The following SHANK2 variants were observed in gnomAD, a reference collection of about 807,000 sequenced individuals.
SHANK2 encodes the protein SH3 and multiple ankyrin repeat domains 2.
Under a neutral mutation model 133.7 loss-of-function variants are expected in SHANK2, and 43 were observed. That is an observed-to-expected ratio of 0.32 (90% CI 0.25 to 0.41). SHANK2 has a LOEUF of 0.41. SHANK2 is among the 10% of genes least tolerant of loss of function. The pLI, the probability that SHANK2 is intolerant of heterozygous loss-of-function variation, is 1.00. For missense variants in SHANK2, 1,994 were observed against 2,235.8 expected, an observed-to-expected ratio of 0.89 and a Z score of 2.18; for synonymous variants, 1,017 against 952.8, an observed-to-expected ratio of 1.07 and a Z score of -1.24.
intron 2 of SHANK2, among the ~76,000 whole-genome samples, chr11:71,210,454 T>A (rs1954250071): frequency 6.6e-6 from 1 of 151,416 alleles, no homozygotes; most frequent in Non-Finnish European, 1.5e-5. Context: ...TTTCACTGTG[T>A]TAGCCAGGAT....
intron 11 of SHANK2, among the ~76,000 whole-genome samples, chr11:70,834,791 G>A (rs947548184): frequency 6.6e-6 from 1 of 152,186 alleles, no homozygotes; most frequent in African/African-American, 2.4e-5. Context: ...AGTCATTGAG[G>A]GAAGCTTTGC....
chr11:71,143,107 C>T (rs145634419), intron 3 of SHANK2, among the ~76,000 whole-genome samples: 6,411 of 152,166 alleles, frequency 0.042, 240 homozygotes, highest in African/African-American at 0.1. Flanking sequence ...TGGCGGCAGG[C>T]GCCTGAAATC....
At chr11:71,066,034 G>A (rs1380166774) in intron 9 of SHANK2, among the ~76,000 whole-genome samples, 2 of 40,376 alleles carry the variant, frequency 5.0e-5, no homozygotes, top group Admixed American at 2.5e-4. Context: ...GAGTGGGGAA[G>A]TTGGGGGAGG....
At position 70,785,203 on chromosome 11, in the gene SHANK2, A is replaced by G. The variant is rs536849193; in HGVS notation, c.1777+13240T>C. ...CCAGGAGGGGACAGGAGACCTGCAC[A>G]CCACACAGGACAGACCCCTGGGGGC... On this transcript the variant is annotated intron_variant, in intron 14 of 25. Transcript: ENST00000601538. 5.3e-5 allele frequency among the ~76,000 whole-genome samples: 8 copies of G among 152,180 alleles called. No individual in the cohort carries two copies. In the East Asian group the frequency reaches 1.6e-3, roughly 30 times the overall value.
intron 10 of SHANK2, among the ~76,000 whole-genome samples, chr11:70,941,874 A>T (rs1950653068): frequency 1.3e-5 from 2 of 151,026 alleles, no homozygotes; most frequent in Non-Finnish European, 1.5e-5. Context: ...ATAATAATAT[A>T]ATAATACTGG....
intron 17 of SHANK2, among the ~76,000 whole-genome samples, chr11:70,527,656 G>A (rs1209414695): frequency 6.6e-6 from 1 of 152,230 alleles, no homozygotes; most frequent in Non-Finnish European, 1.5e-5. Context: ...GGGGCCCTGA[G>A]GCCGGGCCCC....
At chr11:71,128,282 C>T (rs1214838792) in intron 3 of SHANK2, among the ~76,000 whole-genome samples, 1 of 152,218 alleles carries the variant, frequency 6.6e-6, no homozygotes, top group African/African-American at 2.4e-5. Context: ...CCCTCTGTCA[C>T]TCAATCTCCT....
At position 70,569,825 on chromosome 11, in the gene SHANK2, G is replaced by A. The variant is rs116622077; in HGVS notation, c.2062-66894C>T. On this transcript the variant is annotated intron_variant, in intron 17 of 25. Coordinates refer to ENST00000601538, the MANE Select transcript of SHANK2 (RefSeq NM_012309.5). The surrounding 1 kb of genome is among the most constrained non-coding windows in gnomAD (Gnocchi z 5.1). ...GAGCACGGAGGGGGTTCCTCAGCCC[G>A]GGAAAAGGCTGAGGCCGGCACAAAG... Among the ~76,000 whole-genome samples the A allele has an allele frequency of 3.8e-3, 576 of 152,188 alleles. 6 individuals are homozygous for A. Among genetic ancestry groups the A allele is most frequent in the African/African-American group, 0.013 (559 of 41,524 alleles).
At chr11:70,864,433 T>C (rs1263253362) in intron 11 of SHANK2, 1 of 152,716 alleles carries the variant, frequency 6.5e-6, no homozygotes, top group Admixed American at 6.5e-5. Flanking sequence ...CATTAAGTCA[T>C]GGTGGCTCCA....
At chr11:70,891,736 T>C (rs1288346636) in intron 11 of SHANK2, among the ~76,000 whole-genome samples, 1 of 151,992 alleles carries the variant, frequency 6.6e-6, no homozygotes, top group Non-Finnish European at 1.5e-5. Flanking sequence ...TCCCCCAGGG[T>C]AGAGGGCCAG....
At chr11:70,640,850 G>C (rs1197714000) in intron 17 of SHANK2, among the ~76,000 whole-genome samples, 1 of 152,194 alleles carries the variant, frequency 6.6e-6, no homozygotes, top group African/African-American at 2.4e-5. Flanking sequence ...AGGAAGAATC[G>C]AGGCGACTGC....
chr11:70,761,810 T>C (rs1186318007), intron 14 of SHANK2, among the ~76,000 whole-genome samples: 7 of 152,258 alleles, frequency 4.6e-5, no homozygotes, highest in African/African-American at 1.7e-4. Flanking sequence ...ACCTCAGCCA[T>C]CCTTGTGCAG....
chr11:70,519,094 A>G (rs1354198894), intron 17 of SHANK2, among the ~76,000 whole-genome samples: 1 of 151,964 alleles, frequency 6.6e-6, no homozygotes, highest in Non-Finnish European at 1.5e-5. Context: ...ATTTTTTTGT[A>G]GAGATGGGGT....
intron 14 of SHANK2, among the ~76,000 whole-genome samples, chr11:70,764,311 T>C (rs1440184684): frequency 7.0e-6 from 1 of 142,964 alleles, no homozygotes; most frequent in Non-Finnish European, 1.5e-5. Flanking sequence ...CCATCCTTTA[T>C]CCCTCCCTCC....
At chr11:71,101,430 G>T (rs1951715023) in intron 6 of SHANK2, among the ~76,000 whole-genome samples, 1 of 152,162 alleles carries the variant, frequency 6.6e-6, no homozygotes, top group South Asian at 2.1e-4. Context: ...TTAAAAACAG[G>T]TCTCTTTTTA....
At chr11:70,646,398 C>T (rs1555008242) in intron 17 of SHANK2, 2 of 152,286 alleles carry the variant, frequency 1.3e-5, no homozygotes, top group Admixed American at 6.5e-5. Context: ...ATGGTAGCCA[C>T]AGCTCACCTC....
At chr11:70,647,418 G>T (rs1424953088) in intron 17 of SHANK2, 1 of 152,292 alleles carries the variant, frequency 6.6e-6, no homozygotes, top group African/African-American at 2.4e-5. Context: ...GGTTGGAGCA[G>T]GAGGGTGGGA....
At chr11:70,656,074 C>T (rs1387667164) in intron 17 of SHANK2, among the ~76,000 whole-genome samples, 2 of 152,208 alleles carry the variant, frequency 1.3e-5, no homozygotes, top group African/African-American at 4.8e-5. Context: ...TACCGTCATC[C>T]AGGAACCACC....
rs1190744019 is a variant in SHANK2 at position 70,502,737 on chromosome 11, CCCCA to C, written c.2197+55_2197+58del. ...ACTGCCCCCCAGCTGTCCTGCCCGC[CCCCA>C]CCCCCCCCCCCCAGTAGGGCCCCAG... On this transcript the variant is annotated intron_variant, in intron 18 of 25. Coordinates refer to ENST00000601538, the MANE Select transcript of SHANK2 (RefSeq NM_012309.5). 7.5e-6 allele frequency: 4 copies of C among 535,682 alleles called. No individual in the cohort carries two copies. The African/African-American group carries it at 1.1e-4, about 15-fold the overall frequency. 33.2% of individuals were successfully genotyped at this position (535,682 alleles called of 1,614,324 possible). A position where few individuals can be genotyped will look rare whatever the true frequency, so the allele number is the denominator to read the frequency against.
Sources: gnomAD v4.1 joint callset for allele counts (sites outside exome capture counted in the v4.1 genomes callset) on GRCh38, gnomAD v4.1.1 for gene constraint, Gnocchi (gnomAD v3.1) non-coding constraint, MANE v1.5 for transcripts, NCBI Gene and HGNC (gene_info 2026-07-23, HGNC 2026-07-21) for gene names.